Variants in QSER1 observed in about 807,000 individuals in gnomAD.
QSER1 encodes glutamine and serine rich 1.
In QSER1, 49 loss-of-function variants were observed where a neutral mutation model predicts 158.5. The ratio of observed to expected loss-of-function variants is 0.31; its 90% CI spans 0.25 to 0.39. The LOEUF is 0.39. Among genes scored for constraint, QSER1 ranks in the 10% least tolerant of loss-of-function variants. The pLI is 1.00. For synonymous variants in QSER1, 650 were observed against 715.5 expected, an observed-to-expected ratio of 0.91 and a Z score of 1.46; for missense variants, 1,754 against 2,010.3, an observed-to-expected ratio of 0.87 and a Z score of 2.44.
intron 10 of QSER1, among the ~76,000 whole-genome samples, chr11:32,972,894 C>T (rs558364992): frequency 2.3e-4 from 35 of 152,340 alleles, no homozygotes; most frequent in South Asian, 1.0e-3. Flanking sequence ...TACAGTGCCG[C>T]TTCTCCTCTG....
Position 32,934,810 on chromosome 11 carries a change from C to G in QSER1, c.3552C>G (p.Val1184=). 1 of 1,613,954 alleles carries G rather than the reference C, an allele frequency of 6.2e-7. No homozygotes were observed. The highest frequency in any genetic ancestry group is 1.3e-5 in the African/African-American group (1 of 75,022). The change falls in exon 4 of 13, where the codon GTC becomes GTG. Residue 1184 remains valine, a synonymous_variant. Transcript: ENST00000650167. ...CCATGGCCCAATCTGGGGATGCAGT[C>G]AGTGTCAAGATTGAAGAAGAAAACC... ...LLAMAQSGDA[V]SVKIEEENQD...
intron 1 of QSER1, among the ~76,000 whole-genome samples, chr11:32,894,911 C>G (rs1217003655): frequency 6.6e-6 from 1 of 152,146 alleles, no homozygotes; most frequent in African/African-American, 2.4e-5. Context: ...TTTCAAGTAG[C>G]TTTTTGCATT....
chr11:32,956,180 C>T (rs1417361159), intron 7 of QSER1, 59 bp downstream of exon 7: 4 of 1,406,464 alleles, frequency 2.8e-6, no homozygotes, highest in Non-Finnish European at 4.0e-6. Flanking sequence ...ATTGATGATA[C>T]CAATGTACAA....
chr11:32,945,759 AT>A (rs1288167314), intron 4 of QSER1, among the ~76,000 whole-genome samples: 1 of 151,270 alleles, frequency 6.6e-6, no homozygotes, highest in Non-Finnish European at 1.5e-5. Context: ...CGTTCTCTGT[AT>A]TTCCTGAATC....
intron 7 of QSER1, among the ~76,000 whole-genome samples, chr11:32,956,917 G>A (rs1310869490): frequency 6.6e-6 from 1 of 152,076 alleles, no homozygotes; most frequent in Non-Finnish European, 1.5e-5. Context: ...GGGACTACAG[G>A]TGTGCACCAC....
intron 1 of QSER1, among the ~76,000 whole-genome samples, chr11:32,906,167 A>G (rs1375920106): frequency 1.3e-5 from 2 of 149,272 alleles, no homozygotes; most frequent in Admixed American, 1.3e-4. Flanking sequence ...TCACACCTGT[A>G]ATCCCAGCAC....
rs1852985426 is a variant in QSER1, at chr11:32,976,784, A to G, written c.*310A>G. 1 of 233,056 alleles carries G rather than the reference A, an allele frequency of 4.3e-6. No individual in the cohort carries two copies. The allele number at this position is 233,056 out of a possible 1,614,324, so 14.4% of individuals were successfully genotyped here. A position where few individuals can be genotyped will look rare whatever the true frequency, so the allele number is the denominator to read the frequency against. The stretch of plus-strand genomic sequence containing the variant: ...AAATGATGAAGCATGCACTAAGTAT[A>G]ATTTTTTTTTATTGCTAGAGAAGTA... On this transcript the variant is annotated 3_prime_UTR_variant, in exon 13 of 13. Coordinates refer to ENST00000650167, the MANE Select transcript of QSER1 (RefSeq NM_001076786.3).
intron 4 of QSER1, among the ~76,000 whole-genome samples, chr11:32,943,332 C>T (rs1449200092): frequency 4.7e-5 from 7 of 147,548 alleles, no homozygotes; most frequent in African/African-American, 1.7e-4. Flanking sequence ...GGGAATGCTT[C>T]CAGTTTTTGC....
intron 1 of QSER1, among the ~76,000 whole-genome samples, chr11:32,914,984 A>G (rs1851814068): frequency 1.3e-5 from 2 of 152,124 alleles, no homozygotes; most frequent in African/African-American, 4.8e-5. Flanking sequence ...TAGCGGCCTG[A>G]TCATGGCTCA....
At chr11:32,959,829 A>C (rs1327058108) in intron 8 of QSER1, among the ~76,000 whole-genome samples, 2 of 151,992 alleles carry the variant, frequency 1.3e-5, no homozygotes, top group Admixed American at 1.3e-4. Context: ...TGGTGCACTC[A>C]TGACTCACTG....
chr11:32,940,426 T>G (rs1293922024), intron 4 of QSER1, among the ~76,000 whole-genome samples: 2 of 152,188 alleles, frequency 1.3e-5, no homozygotes, highest in African/African-American at 4.8e-5. Flanking sequence ...ATTTGAGATT[T>G]TTACACTTAG....
intron 1 of QSER1, among the ~76,000 whole-genome samples, chr11:32,898,081 A>T (rs1022676472): frequency 7.2e-5 from 11 of 152,078 alleles, no homozygotes; most frequent in African/African-American, 2.7e-4. Flanking sequence ...TTCTTCTTAT[A>T]CCATCCAGAG....
rs1851509557 is a variant in QSER1 at position 32,893,346 on chromosome 11, G to T, written c.209+12G>T. 1 of 152,826 alleles carries T rather than the reference G, an allele frequency of 6.5e-6. No homozygotes were observed. The highest frequency in any genetic ancestry group is 1.9e-4 in the South Asian group (1 of 5,374). 9.5% of individuals were successfully genotyped at this position (152,826 alleles called of 1,614,324 possible). ...AGCCTCAAGGCCAGGTAGGGAGGGTGGGCGGCGGGGTCGCGGTGGACCAGG... is the reference window on the plus strand; with the variant it reads ...AGCCTCAAGGCCAGGTAGGGAGGGTTGGCGGCGGGGTCGCGGTGGACCAGG... On this transcript the variant is annotated intron_variant, in intron 1 of 12. Coordinates refer to ENST00000650167, the MANE Select transcript of QSER1 (RefSeq NM_001076786.3). The surrounding 1 kb of genome is among the most constrained non-coding windows in gnomAD (Gnocchi z 4.7).
intron 1 of QSER1, among the ~76,000 whole-genome samples, chr11:32,922,207 A>C (rs1851907544): frequency 6.6e-6 from 1 of 152,194 alleles, no homozygotes; most frequent in South Asian, 2.1e-4. Context: ...TACACCACCA[A>C]AAGTACAATA....
In QSER1 at chr11:32,933,037, G is replaced by A. The variant is rs201182944; in HGVS notation, c.1779G>A (p.Glu593=). 70 of 1,612,586 alleles carry A rather than the reference G, an allele frequency of 4.3e-5. No individual in the cohort carries two copies. Among genetic ancestry groups the A allele is most frequent in the Non-Finnish European group, 3.6e-5 (42 of 1,179,988 alleles). The part of the protein sequence containing the change: ...VSLSESYASG[E]SLTLTAPSLS... ...TTTCAGAAAGCTATGCTTCAGGGGA[G>A]TCCCTAACATTAACAGCCCCTTCTC... Residue 593 remains glutamate (E), a synonymous_variant, in exon 4 of 13, where the codon GAG becomes GAA. Coordinates refer to ENST00000650167, the MANE Select transcript of QSER1 (RefSeq NM_001076786.3).
At chr11:32,946,815 G>A (rs1246169019) in intron 4 of QSER1, among the ~76,000 whole-genome samples, 3 of 152,070 alleles carry the variant, frequency 2.0e-5, no homozygotes, top group Non-Finnish European at 2.9e-5. Flanking sequence ...AATGGTGGGC[G>A]CCCCTACCCC....
chr11:32,958,134 A>G lies in QSER1; in HGVS notation c.4969+48A>G, dbSNP rs372288617. On this transcript the variant is annotated intron_variant, in intron 8 of 12. Coordinates refer to ENST00000650167, the MANE Select transcript of QSER1 (RefSeq NM_001076786.3). ...ACCCTGATAACTTTAGATTATCTAC[A>G]TGAGTGGTGAGGAGCAGGATGCTGA... The G allele has an allele frequency of 3.5e-6, 5 of 1,410,886 alleles. No individual in the cohort carries two copies. The African/African-American group carries it at 4.3e-5, about 12-fold the overall frequency. The allele number at this position is 1,410,886 out of a possible 1,614,324, so 87.4% of individuals were successfully genotyped here.
intron 4 of QSER1, among the ~76,000 whole-genome samples, chr11:32,944,209 G>A (rs1368915736): frequency 6.6e-6 from 1 of 150,546 alleles, no homozygotes; most frequent in African/African-American, 2.4e-5. Flanking sequence ...TTAATTTTTT[G>A]AAGGGTTTTT....
intron 1 of QSER1, among the ~76,000 whole-genome samples, chr11:32,916,782 ATT>A (rs57526642): frequency 8.0e-4 from 117 of 145,370 alleles, no homozygotes; most frequent in Admixed American, 8.2e-4. Flanking sequence ...GCATGACTCT[ATT>A]TTTTTTTTTT....
Sources: gnomAD v4.1 joint callset for allele counts (sites outside exome capture counted in the v4.1 genomes callset) on GRCh38, gnomAD v4.1.1 for gene constraint, Gnocchi (gnomAD v3.1) non-coding constraint, MANE v1.5 for transcripts, NCBI Gene and HGNC (gene_info 2026-07-23, HGNC 2026-07-21) for gene names.